SPATS2: variants seen among roughly 807,000 people sequenced by gnomAD.
The protein encoded by SPATS2 is spermatogenesis-associated serine-rich protein 2.
SPATS2 carries 38 observed loss-of-function variants against 63.7 expected under a neutral mutation model. The ratio of observed to expected loss-of-function variants is 0.60; its 90% CI spans 0.46 to 0.78. SPATS2 has a LOEUF of 0.78. Among genes scored for constraint, SPATS2 ranks in the 30% least tolerant of loss-of-function variants. The pLI is 0.00. For synonymous variants in SPATS2, 207 were observed against 232.9 expected (o/e 0.89, Z 1.01); for missense variants, 588 against 666.2 (o/e 0.88, Z 1.29).
intron 2 of SPATS2, among the ~76,000 whole-genome samples, chr12:49,436,602 G>GA (rs1945299210): frequency 7.5e-6 from 1 of 133,462 alleles, no homozygotes; most frequent in Non-Finnish European, 1.7e-5. Context: ...TGGCCGGGCC[G>GA]GGGGCTGACC....
At chr12:49,454,013 C>T (rs939640302) in intron 2 of SPATS2, among the ~76,000 whole-genome samples, 6 of 151,906 alleles carry the variant, frequency 3.9e-5, no homozygotes, top group African/African-American at 1.5e-4. Context: ...CAGGCTCCCG[C>T]CACCATGCCC....
intron 2 of SPATS2, among the ~76,000 whole-genome samples, chr12:49,405,049 T>A (rs191290928): frequency 6.6e-6 from 1 of 151,652 alleles, no homozygotes; most frequent in African/African-American, 2.4e-5. Context: ...GTGGTTGCAA[T>A]ACAGACTGTA....
At chr12:49,499,391 G>GTTGTTTTGTT (rs367735131) in intron 8 of SPATS2, among the ~76,000 whole-genome samples, 2,047 of 146,530 alleles carry the variant, frequency 0.014, 34 homozygotes, top group South Asian at 0.068. Context: ...GTTCTGCCTG[G>GTTGTTTTGTT]TTGTTTTGTT....
intron 2 of SPATS2, among the ~76,000 whole-genome samples, chr12:49,398,135 C>CAAAAAAAAAAAAAAAAAA (rs71080193): frequency 2.2e-5 from 1 of 45,392 alleles, no homozygotes; most frequent in Non-Finnish European, 4.1e-5. Context: ...GACCCTGTCT[C>CAAAAAAAAAAAAAAAAAA]AAAAAAAAAA....
At chr12:49,371,834 G>A (rs1414100555) in intron 2 of SPATS2, among the ~76,000 whole-genome samples, 3 of 152,012 alleles carry the variant, frequency 2.0e-5, no homozygotes, top group Admixed American at 6.6e-5. Context: ...CCATTCATGA[G>A]AAACCACCCC....
intron 6 of SPATS2, among the ~76,000 whole-genome samples, chr12:49,494,030 G>A (rs1479019043): frequency 6.6e-6 from 1 of 152,144 alleles, no homozygotes; most frequent in Non-Finnish European, 1.5e-5. Context: ...TAGTGATACT[G>A]CAATGAATAA....
rs1477611040 is a variant in SPATS2 at position 49,484,809 on chromosome 12, G to A, written c.105+140G>A. ...ATGCCACTATATATCAGAGAGTGAC[G>A]GCCATAAATAGGTTCTGATTGCGCA... is the stretch of plus-strand genomic sequence containing the variant. On this transcript the variant is annotated intron_variant, in intron 4 of 13. Coordinates refer to ENST00000552918, the MANE Select transcript of SPATS2 (RefSeq NM_023071.4). The A allele has an allele frequency of 5.3e-4, 361 of 678,622 alleles. 6 individuals are homozygous for A. In the East Asian group the frequency reaches 9.3e-3, roughly 17 times the overall value. 42.0% of individuals were successfully genotyped at this position (678,622 alleles called of 1,614,324 possible). A position where few individuals can be genotyped will look rare whatever the true frequency, so the allele number is the denominator to read the frequency against.
At chr12:49,500,029 A>T in intron 8 of SPATS2, 41 bp from the exon 9 acceptor site, 11 of 1,267,450 alleles carry the variant, frequency 8.7e-6, no homozygotes, top group Non-Finnish European at 1.1e-5. Context: ...CTATATAATT[A>T]TTCTTTTTTT....
intron 3 of SPATS2, chr12:49,469,592 C>G (rs1473440157): frequency 2.4e-6 from 1 of 415,480 alleles, no homozygotes; most frequent in African/African-American, 2.2e-5. Flanking sequence ...TAAAACTTTT[C>G]ACAGCTGAGA....
intron 2 of SPATS2, among the ~76,000 whole-genome samples, chr12:49,434,397 C>G (rs1332165364): frequency 6.6e-6 from 1 of 152,018 alleles, no homozygotes; most frequent in Admixed American, 6.6e-5. Context: ...TAACCCAAAA[C>G]TTATCATCAC....
In SPATS2 at chr12:49,496,771, C is replaced by CT. The variant is rs1364381657; in HGVS notation, c.527-60dup. 3 of 1,554,758 alleles carry CT rather than the reference C, an allele frequency of 1.9e-6. No individual in the cohort carries two copies. In the Admixed American group the frequency reaches 5.7e-5, roughly 29 times the overall value. On this transcript the variant is annotated intron_variant, in intron 7 of 13. Transcript: ENST00000552918. ...CATTTTTACCTGTTTTCTTTGTGTA[C>CT]TTAAGAATGACTGGTTTACTCCTAA... is the stretch of plus-strand genomic sequence containing the variant.
intron 2 of SPATS2, among the ~76,000 whole-genome samples, chr12:49,418,420 C>T (rs1944928049): frequency 6.6e-6 from 1 of 152,090 alleles, no homozygotes; most frequent in Admixed American, 6.5e-5. Flanking sequence ...CGGTCTTAGC[C>T]TCCCTAGTAG....
At chr12:49,403,638 C>CACAA (rs1449968179) in intron 2 of SPATS2, among the ~76,000 whole-genome samples, 1 of 145,928 alleles carries the variant, frequency 6.9e-6, no homozygotes, top group Non-Finnish European at 1.5e-5. Flanking sequence ...CACACACACA[C>CACAA]ACAAACAAAA....
intron 3 of SPATS2, among the ~76,000 whole-genome samples, chr12:49,466,521 A>C (rs781551109): frequency 6.6e-6 from 1 of 152,068 alleles, no homozygotes; most frequent in Non-Finnish European, 1.5e-5. Context: ...TTGCATATGG[A>C]TATCCAGTTG....
At chr12:49,426,383 C>CAGTATTGTATAAAAAACAATA (rs1945076084) in intron 2 of SPATS2, among the ~76,000 whole-genome samples, 1 of 152,042 alleles carries the variant, frequency 6.6e-6, no homozygotes. Context: ...ATCACAAGAC[C>CAGTATTGTATAAAAAACAATA]AGTATTCTGA....
At chr12:49,383,160 G>A (rs1944252851) in intron 2 of SPATS2, among the ~76,000 whole-genome samples, 2 of 151,772 alleles carry the variant, frequency 1.3e-5, no homozygotes, top group African/African-American at 4.8e-5. Flanking sequence ...TGGGATTACA[G>A]GCGCACACCA....
In SPATS2 at chr12:49,526,275, C is replaced by T. The variant is rs371995923; in HGVS notation, c.*20C>T. ...TCTTGAGAGAAAATCCAGTTGGCCT[C>T]TCTCCTCTATCCACACAATTCAACT... On this transcript the variant is annotated 3_prime_UTR_variant, in exon 14 of 14. Transcript: ENST00000552918. 1 of 1,588,202 alleles carries T rather than the reference C, an allele frequency of 6.3e-7. No individual in the cohort carries two copies. The highest frequency in any genetic ancestry group is 1.2e-5 in the South Asian group (1 of 86,426).
At chr12:49,461,649 C>G (rs1945824402) in intron 3 of SPATS2, among the ~76,000 whole-genome samples, 1 of 152,178 alleles carries the variant, frequency 6.6e-6, no homozygotes, top group African/African-American at 2.4e-5. Flanking sequence ...TCATAGATAT[C>G]TTGGCGTTTT....
Position 49,460,335 on chromosome 12 carries a change from T to G in SPATS2, c.-243-435T>G, listed in dbSNP as rs1251016793. On this transcript the variant is annotated intron_variant, in intron 2 of 13. Coordinates refer to ENST00000552918, the MANE Select transcript of SPATS2 (RefSeq NM_023071.4). ...TGGGCGTGGTGGTGCACGCCTGTAG[T>G]CCCAGCTACTCGGGAGGCTGAGGCA... 2.6e-5 allele frequency among the ~76,000 whole-genome samples: 4 copies of G among 152,130 alleles called. No individual in the cohort carries two copies. In the East Asian group the frequency reaches 7.7e-4, roughly 29 times the overall value.
Sources: allele counts gnomAD v4.1 joint callset (sites outside exome capture counted in the v4.1 genomes callset), GRCh38; gene constraint gnomAD v4.1.1; transcripts MANE v1.5; gene names NCBI Gene and HGNC (gene_info 2026-07-23, HGNC 2026-07-21).